The following MICU3 variants were observed in gnomAD, a reference collection of about 807,000 sequenced individuals.
MICU3 encodes calcium uptake protein 3, mitochondrial.
Under a neutral mutation model 66.5 loss-of-function variants are expected in MICU3, and 62 were observed. The ratio of observed to expected loss-of-function variants is 0.93; its 90% CI spans 0.76 to 1.15. MICU3 has a LOEUF of 1.15. Ranked by LOEUF, MICU3 falls within the 50% of genes most tolerant of loss-of-function variation. The pLI is 0.00. For synonymous variants in MICU3, 308 were observed against 240.7 expected (o/e 1.28, Z -2.59); for missense variants, 779 against 664.4 (o/e 1.17, Z -1.90).
intron 9 of MICU3, 24 bp downstream of exon 9, chr8:17,098,577 C>T (rs779280174): frequency 4.8e-6 from 7 of 1,447,870 alleles, no homozygotes; most frequent in African/African-American, 4.2e-5. Context: ...TCAACAAGGT[C>T]CTTGTACTAT....
intron 3 of MICU3, among the ~76,000 whole-genome samples, chr8:17,072,378 T>G (rs578212236): frequency 4.0e-5 from 6 of 151,864 alleles, no homozygotes; most frequent in Non-Finnish European, 7.4e-5. Context: ...ATACAAAAAC[T>G]AATTTCAGAT....
intron 8 of MICU3, among the ~76,000 whole-genome samples, chr8:17,093,424 T>C (rs1272566044): frequency 1.3e-5 from 2 of 151,992 alleles, no homozygotes; most frequent in African/African-American, 4.8e-5. Context: ...TTAAATCATC[T>C]GTATTTGAAA....
At chr8:17,085,781 T>C (rs1281197860) in intron 6 of MICU3, among the ~76,000 whole-genome samples, 1 of 152,134 alleles carries the variant, frequency 6.6e-6, no homozygotes, top group African/African-American at 2.4e-5. Context: ...TGTTCCTTTC[T>C]GTTATCTTTG....
chr8:17,065,408 T>C (rs1466090711), intron 2 of MICU3, among the ~76,000 whole-genome samples: 2 of 152,194 alleles, frequency 1.3e-5, no homozygotes, highest in Admixed American at 1.3e-4. Flanking sequence ...CTTTGCATTA[T>C]TGCTAATTCA....
intron 1 of MICU3, among the ~76,000 whole-genome samples, chr8:17,029,721 G>A (rs999220823): frequency 2.6e-5 from 4 of 151,964 alleles, no homozygotes; most frequent in Admixed American, 1.3e-4. Flanking sequence ...AATGAGCTTC[G>A]GGATGTGTAT....
intron 9 of MICU3, among the ~76,000 whole-genome samples, chr8:17,103,312 A>T (rs1801438835): frequency 6.6e-6 from 1 of 151,892 alleles, no homozygotes; most frequent in African/African-American, 2.4e-5. Context: ...GGTGAATGAG[A>T]CTTTTGGTCA....
At chr8:17,032,636 T>A (rs1372300412) in intron 1 of MICU3, among the ~76,000 whole-genome samples, 1 of 152,230 alleles carries the variant, frequency 6.6e-6, no homozygotes, top group Non-Finnish European at 1.5e-5. Flanking sequence ...CAAGGCAGCA[T>A]ATCTTGAGAT....
intron 14 of MICU3, among the ~76,000 whole-genome samples, chr8:17,119,610 A>T (rs1004169588): frequency 9.2e-5 from 14 of 151,872 alleles, no homozygotes; most frequent in Admixed American, 7.2e-4. Context: ...CAGCACATCA[A>T]TGCATACTTA....
Position 17,058,096 on chromosome 8 carries a change from C to T in MICU3, c.382-5988C>T, listed in dbSNP as rs151116170. 1.4e-3 allele frequency among the ~76,000 whole-genome samples: 208 copies of T among 152,148 alleles called. 1 individual carries two copies. The highest frequency in any genetic ancestry group is 2.1e-3 in the Non-Finnish European group (140 of 67,992). Reference sequence around the variant, plus strand: ...AACTCCTGACCGCAGGTGATCCACCCGCCTCGGCCTCCAAAAGTACCCTAT... The same window carrying T: ...AACTCCTGACCGCAGGTGATCCACCTGCCTCGGCCTCCAAAAGTACCCTAT... On this transcript the variant is annotated intron_variant, in intron 1 of 14. Coordinates refer to ENST00000318063, the MANE Select transcript of MICU3 (RefSeq NM_181723.3).
chr8:17,053,929 G>T (rs1816499793), intron 1 of MICU3, among the ~76,000 whole-genome samples: 1 of 152,148 alleles, frequency 6.6e-6, no homozygotes, highest in African/African-American at 2.4e-5. Flanking sequence ...GCAAATTTCA[G>T]TTATCTTTTA....
intron 1 of MICU3, among the ~76,000 whole-genome samples, chr8:17,045,003 G>T (rs76426317): frequency 0.1 from 15,656 of 151,340 alleles, 867 homozygotes; most frequent in South Asian, 0.22. Flanking sequence ...GCCTGAAAAA[G>T]GTAACCTTTA....
intron 5 of MICU3, among the ~76,000 whole-genome samples, chr8:17,083,129 G>T (rs1425484682): frequency 1.3e-5 from 2 of 152,046 alleles, no homozygotes; most frequent in Admixed American, 6.6e-5. Context: ...GCTCTGGTTG[G>T]TCGGGTCAAA....
At chr8:17,109,696 T>C (rs910589640) in intron 11 of MICU3, among the ~76,000 whole-genome samples, 1 of 152,136 alleles carries the variant, frequency 6.6e-6, no homozygotes, top group Non-Finnish European at 1.5e-5. Context: ...TGCTATACAA[T>C]CTTTGGGCCT....
downstream of MICU3, among the ~76,000 whole-genome samples, chr8:17,125,096 A>G (rs187372466): frequency 2.9e-3 from 444 of 152,126 alleles, 4 homozygotes; most frequent in African/African-American, 1.0e-2. Context: ...TTTTCCTGGT[A>G]TTTCTATTAT....
At chr8:17,075,598 T>C (rs1300463980) in intron 3 of MICU3, among the ~76,000 whole-genome samples, 1 of 152,184 alleles carries the variant, frequency 6.6e-6, no homozygotes, top group Non-Finnish European at 1.5e-5. Context: ...TAATAAATTT[T>C]AGAGGTCCTT....
chr8:17,093,364 C>A (rs1046778685), intron 8 of MICU3, among the ~76,000 whole-genome samples: 1 of 151,908 alleles, frequency 6.6e-6, no homozygotes, highest in Non-Finnish European at 1.5e-5. Flanking sequence ...TATACCAATT[C>A]TTTGGTGTAT....
intron 12 of MICU3, among the ~76,000 whole-genome samples, chr8:17,115,162 C>A (rs1369325808): frequency 6.6e-6 from 1 of 151,220 alleles, no homozygotes; most frequent in African/African-American, 2.4e-5. Flanking sequence ...TTATTATGTT[C>A]TAGAGAGAAG....
At chr8:17,095,977 G>T (rs371769497) in intron 8 of MICU3, among the ~76,000 whole-genome samples, 1 of 151,978 alleles carries the variant, frequency 6.6e-6, no homozygotes, top group Non-Finnish European at 1.5e-5. Flanking sequence ...CACACTACAT[G>T]CAGGACATCA....
chr8:17,094,574 A>G (rs1020482490), intron 8 of MICU3, among the ~76,000 whole-genome samples: 2 of 152,034 alleles, frequency 1.3e-5, no homozygotes, highest in Non-Finnish European at 2.9e-5. Flanking sequence ...GATCTGTTGC[A>G]ATATGTTATT....
Sources: gnomAD v4.1 joint callset for allele counts (sites outside exome capture counted in the v4.1 genomes callset) on GRCh38, gnomAD v4.1.1 for gene constraint, MANE v1.5 for transcripts, NCBI Gene and HGNC (gene_info 2026-07-23, HGNC 2026-07-21) for gene names.